Variants in SYTL5 observed in about 807,000 individuals in gnomAD.
The protein encoded by SYTL5 is synaptotagmin like 5.
Under a neutral mutation model 55.9 loss-of-function variants are expected in SYTL5, and 34 were observed. That is an observed-to-expected ratio of 0.61 (90% CI 0.46 to 0.81). The LOEUF (loss-of-function observed/expected upper bound fraction) is 0.81. Ranked by LOEUF, SYTL5 falls within the 30% of genes least tolerant of loss-of-function variation. The probability of loss-of-function intolerance (pLI) is 0.00; values close to 1 mark genes in which losing one functional copy is unlikely to be tolerated. For synonymous variants in SYTL5, 221 were observed against 188.7 expected, an observed-to-expected ratio of 1.17 and a Z score of -1.40; for missense variants, 637 against 546.7, an observed-to-expected ratio of 1.17 and a Z score of -1.65.
At chrX:37,922,534 G>C in the SYTL5 span, among the ~76,000 whole-genome samples, 1 of 111,876 alleles carries the variant, frequency 8.9e-6, no homozygotes, top group Non-Finnish European at 1.9e-5. Context: ...TTCATTTTGT[G>C]CCATGACCTG....
At chrX:37,928,934 G>A in the SYTL5 span, among the ~76,000 whole-genome samples, 2 of 112,298 alleles carry the variant, frequency 1.8e-5, no homozygotes, top group South Asian at 7.4e-4. Context: ...TTAGTCATAT[G>A]TGCTTTAGAA....
At chrX:37,891,079 T>C in the SYTL5 span, among the ~76,000 whole-genome samples, 2,846 of 111,658 alleles carry the variant, frequency 0.025, 86 homozygotes, top group African/African-American at 0.086. Flanking sequence ...ATGGGAGCCT[T>C]ATAGTTTAAA....
chrX:38,048,103 A>G (rs1011449937), intron 2 of SYTL5, among the ~76,000 whole-genome samples: 6 of 110,040 alleles, frequency 5.5e-5, no homozygotes, highest in Middle Eastern at 4.7e-3. Context: ...GGAGAATGGC[A>G]TGAACCCGGG....
the SYTL5 span, among the ~76,000 whole-genome samples, chrX:37,899,087 TATAAC>T: frequency 1.6e-4 from 18 of 112,595 alleles, no homozygotes; most frequent in Non-Finnish European, 3.2e-4. Flanking sequence ...ATAAGAATCT[TATAAC>T]ATACCAAGGA....
intron 12 of SYTL5, among the ~76,000 whole-genome samples, chrX:38,109,881 G>A (rs950868051): frequency 9.0e-6 from 1 of 111,477 alleles, no homozygotes; most frequent in African/African-American, 3.3e-5. Context: ...GTGTTTGCGA[G>A]TTTCTCATTG....
chrX:38,110,600 T>C (rs1028220145), intron 13 of SYTL5, 118 bp downstream of exon 13: 1 of 542,338 alleles, frequency 1.8e-6, no homozygotes, highest in African/African-American at 2.4e-5. Flanking sequence ...CTGCAAAAAA[T>C]TAGTGCAGCA....
chrX:38,041,170 G>A (rs754732839), intron 2 of SYTL5, among the ~76,000 whole-genome samples: 7 of 111,722 alleles, frequency 6.3e-5, no homozygotes, highest in South Asian at 7.5e-4. Context: ...GGAGGGGAGC[G>A]TGCATTCAAA....
chrX:37,988,394 G>A, the SYTL5 span, among the ~76,000 whole-genome samples: 86 of 112,138 alleles, frequency 7.7e-4, no homozygotes, highest in Non-Finnish European at 1.4e-3. Flanking sequence ...TACTAAATGC[G>A]TGTATTTTAA....
the SYTL5 span, among the ~76,000 whole-genome samples, chrX:37,998,955 T>G: frequency 1.8e-5 from 2 of 112,376 alleles, no homozygotes; most frequent in Non-Finnish European, 3.8e-5. Context: ...CCTCAGATTA[T>G]TTATGGTGTA....
chrX:38,043,688 T>TATATATATATATATATATAC (rs1210450618), intron 2 of SYTL5, among the ~76,000 whole-genome samples: 20 of 64,935 alleles, frequency 3.1e-4, no homozygotes, highest in African/African-American at 1.6e-3. Context: ...TATATATATA[T>TATATATATATATATATATAC]ATACATATAT....
chrX:38,004,800 A>T (rs1933950237), upstream of SYTL5, among the ~76,000 whole-genome samples: 1 of 110,957 alleles, frequency 9.0e-6, no homozygotes, highest in Admixed American at 9.6e-5. Flanking sequence ...TGCTGGGGGG[A>T]AGTAGGGAGG....
At chrX:37,919,238 A>G in the SYTL5 span, among the ~76,000 whole-genome samples, 1 of 111,110 alleles carries the variant, frequency 9.0e-6, no homozygotes, top group African/African-American at 3.3e-5. Context: ...TTCTGATATT[A>G]ATGACTAGGG....
the SYTL5 span, among the ~76,000 whole-genome samples, chrX:37,968,625 T>C: frequency 5.4e-5 from 6 of 111,741 alleles, no homozygotes; most frequent in Non-Finnish European, 9.4e-5. Flanking sequence ...ATGGCTTGCG[T>C]ATGAAATATA....
rs183881900 is a variant in SYTL5, at chrX:38,046,403, C to T, written c.120-7810C>T. 6.5e-3 allele frequency among the ~76,000 whole-genome samples: 720 copies of T among 111,487 alleles called. 2 individuals carry two copies. The highest frequency in any genetic ancestry group is 9.6e-3 in the Non-Finnish European group (510 of 53,095). On this transcript the variant is annotated intron_variant, in intron 2 of 16. Coordinates refer to ENST00000297875, the MANE Select transcript of SYTL5 (RefSeq NM_138780.3). The stretch of plus-strand genomic sequence containing the variant: ...GTGAGAGGCACGTCTCACATGGTGG[C>T]AGACAGGAGAAGAGAACTTGTGCAG...
chrX:38,112,131 T>C (rs767599028), intron 13 of SYTL5, among the ~76,000 whole-genome samples: 2 of 111,854 alleles, frequency 1.8e-5, no homozygotes, highest in Admixed American at 1.9e-4. Context: ...CTCTGCCAGA[T>C]ACCCTTAGGT....
chrX:37,895,424 C>CCTTT, the SYTL5 span, among the ~76,000 whole-genome samples: 150 of 88,831 alleles, frequency 1.7e-3, no homozygotes, highest in African/African-American at 8.2e-3. Flanking sequence ...TTCCTTCCTT[C>CCTTT]CTTCCTTCCT....
rs149869826 is a variant in SYTL5 at position 38,106,771 on chromosome X, C to T, written c.1334C>T (p.Ala445Val). The T allele has an allele frequency of 0.01, 12,338 of 1,185,520 alleles. 60 individuals carry two copies. Among genetic ancestry groups the T allele is most frequent in the Non-Finnish European group, 0.012 (10,879 of 882,585 alleles). Reference sequence around the variant, plus strand: ...GATGAAAAGAAACAGAGGACAGATGCGTAAGCACATAGCATGTTCCTCAGA... The same window carrying T: ...GATGAAAAGAAACAGAGGACAGATGTGTAAGCACATAGCATGTTCCTCAGA... ...IGDEKKQRTD[A>V]YVKSYLLPDK... Residue 445 changes from alanine (A) to valine (V), a missense_variant and splice_region_variant, in exon 11 of 17, where the codon GCT (alanine) becomes GTT (valine). Physicochemically the swap from Ala to Val is moderately conservative, Grantham distance 64. Transcript: ENST00000297875.
At chrX:37,923,318 T>A in the SYTL5 span, among the ~76,000 whole-genome samples, 2 of 112,062 alleles carry the variant, frequency 1.8e-5, no homozygotes, top group East Asian at 5.6e-4. Flanking sequence ...TCTCCACTAG[T>A]TTAGTCTTGA....
chrX:38,003,508 C>A (rs1223210596), upstream of SYTL5, among the ~76,000 whole-genome samples: 1 of 111,388 alleles, frequency 9.0e-6, no homozygotes, highest in East Asian at 2.8e-4. Flanking sequence ...ACCTAGGAAT[C>A]CAACTTACAA....
Sources: allele counts gnomAD v4.1 joint callset (sites outside exome capture counted in the v4.1 genomes callset), GRCh38; gene constraint gnomAD v4.1.1; transcripts MANE v1.5; gene names NCBI Gene and HGNC (gene_info 2026-07-23, HGNC 2026-07-21).